Variants in GLG1 observed in about 807,000 individuals in gnomAD.
The protein encoded by GLG1 is Golgi apparatus protein 1.
Under a neutral mutation model 160.5 loss-of-function variants are expected in GLG1, and 38 were observed. That is an observed-to-expected ratio of 0.24 (90% CI 0.18 to 0.31). The LOEUF (loss-of-function observed/expected upper bound fraction) is 0.31. Among genes scored for constraint, GLG1 ranks in the 10% least tolerant of loss-of-function variants. GLG1 has a pLI of 1.00. For missense variants in GLG1, 1,373 were observed against 1,505.2 expected, an observed-to-expected ratio of 0.91 and a Z score of 1.45; for synonymous variants, 644 against 543.4, an observed-to-expected ratio of 1.19 and a Z score of -2.57.
chr16:74,546,475 G>A (rs2018049325), intron 1 of GLG1, among the ~76,000 whole-genome samples: 1 of 151,960 alleles, frequency 6.6e-6, no homozygotes. Context: ...AAAATACAAG[G>A]CTTTGATTTA....
At chr16:74,485,112 G>T (rs375746215) in intron 9 of GLG1, among the ~76,000 whole-genome samples, 2 of 152,232 alleles carry the variant, frequency 1.3e-5, no homozygotes, top group East Asian at 1.9e-4. Flanking sequence ...TTGCTATATT[G>T]CCCAGGCTGG....
At chr16:74,590,639 A>C (rs1393578194) in intron 1 of GLG1, among the ~76,000 whole-genome samples, 2 of 149,706 alleles carry the variant, frequency 1.3e-5, no homozygotes, top group South Asian at 2.1e-4. Context: ...AAAAAAAAAA[A>C]AGAAATTAGC....
intron 3 of GLG1, among the ~76,000 whole-genome samples, chr16:74,504,745 TG>T (rs2143464576): frequency 6.6e-6 from 1 of 152,280 alleles, no homozygotes; most frequent in Admixed American, 6.5e-5. Context: ...GCAAGAAGTT[TG>T]GGAAGGGGAA....
chr16:74,451,526 G>C lies in GLG1; in HGVS notation c.*1641C>G, dbSNP rs963326323. The C allele has an allele frequency of 6.5e-6, 1 of 153,932 alleles. No homozygotes were observed. 9.5% of individuals were successfully genotyped at this position (153,932 alleles called of 1,614,324 possible). ...CTTCAGGGAAGACATGTGTCGCTCC[G>C]GTCCTGCAGTGCACGTGGACTGTGC... is the stretch of plus-strand genomic sequence containing the variant. On this transcript the variant is annotated 3_prime_UTR_variant, in exon 26 of 26. Transcript: ENST00000422840.
intron 2 of GLG1, among the ~76,000 whole-genome samples, chr16:74,526,225 G>C (rs1428647575): frequency 6.7e-6 from 1 of 150,332 alleles, no homozygotes; most frequent in Non-Finnish European, 1.5e-5. Flanking sequence ...CTTGAGAGTT[G>C]GTGATGGTTG....
At chr16:74,599,804 C>T (rs1160183533) in intron 1 of GLG1, among the ~76,000 whole-genome samples, 3 of 151,542 alleles carry the variant, frequency 2.0e-5, no homozygotes, top group Non-Finnish European at 4.4e-5. Context: ...GTAGAGCTTG[C>T]AGTGAGCCGA....
intron 1 of GLG1, among the ~76,000 whole-genome samples, chr16:74,575,936 C>A (rs2018989774): frequency 6.6e-6 from 1 of 152,088 alleles, no homozygotes; most frequent in African/African-American, 2.4e-5. Context: ...CGCGGTGGTT[C>A]ACGCCAGTAA....
intron 6 of GLG1, 100 bp from the exon 7 acceptor site, chr16:74,493,240 C>G (rs745769563): frequency 3.1e-5 from 21 of 686,874 alleles, no homozygotes; most frequent in Non-Finnish European, 4.8e-5. Context: ...AAGTACATGT[C>G]AACAACTGCA....
intron 16 of GLG1, 73 bp from the exon 17 acceptor site, chr16:74,469,136 G>T (rs542350223): frequency 1.6e-5 from 15 of 911,340 alleles, no homozygotes; most frequent in Non-Finnish European, 2.4e-5. Flanking sequence ...GGCTTGGGGG[G>T]GGTCACACCA....
chr16:74,471,222 T>A lies in GLG1; in HGVS notation c.2180A>T (p.Gln727Leu). ...GGCACACTTCTCGTTCATGTCCTTC[T>A]GGTGTTTGTTCTGTATCAGACACTC... ...LMECLIQNKH[Q>L]KDMNEKCAIG... The change falls in exon 15 of 26, where the codon CAG becomes CTG. Residue 727 changes from glutamine to leucine, a missense_variant. Gln to Leu is a moderately radical substitution (Grantham distance 113, BLOSUM62 -2). Transcript: ENST00000422840. The A allele has an allele frequency of 6.2e-7, 1 of 1,613,302 alleles. No homozygotes were observed. Among genetic ancestry groups the A allele is most frequent in the South Asian group, 1.1e-5 (1 of 91,062 alleles).
intron 9 of GLG1, among the ~76,000 whole-genome samples, 198 bp downstream of exon 9, chr16:74,485,598 T>G (rs2015760629): frequency 6.6e-6 from 1 of 152,230 alleles, no homozygotes; most frequent in Non-Finnish European, 1.5e-5. Flanking sequence ...TGGGTCTAGG[T>G]GTCTCTATAT....
chr16:74,457,041 G>A (rs1597216188), intron 24 of GLG1, among the ~76,000 whole-genome samples: 2 of 152,200 alleles, frequency 1.3e-5, no homozygotes, highest in Non-Finnish European at 2.9e-5. Context: ...TGAGGCAGGA[G>A]GATCCCTTGA....
chr16:74,549,839 C>A (rs1358031677), intron 1 of GLG1, among the ~76,000 whole-genome samples: 1 of 151,812 alleles, frequency 6.6e-6, no homozygotes, highest in East Asian at 1.9e-4. Context: ...AGGGGCTGAG[C>A]GTGGTGGCTC....
intron 15 of GLG1, 113 bp downstream of exon 15, chr16:74,471,060 A>G: frequency 1.4e-6 from 1 of 727,576 alleles, no homozygotes; most frequent in South Asian, 1.6e-5. Flanking sequence ...CCTGGCTGGA[A>G]AAAAATGACT....
chr16:74,503,717 T>C lies in GLG1; in HGVS notation c.588A>G (p.Gly196=). ...CCAAGCAGGAAACCATGTAACCTTT[T>C]CCAACCGGTTCATCAGCACATTCTT... is the stretch of plus-strand genomic sequence containing the variant. The part of the protein sequence containing the change: ...EIKECADEPV[G]KGYMVSCLVD... The change falls in exon 4 of 26, where the codon GGA becomes GGG. Residue 196 remains glycine (G), a synonymous_variant. Coordinates refer to ENST00000422840, the MANE Select transcript of GLG1 (RefSeq NM_001145667.2). 6.2e-7 allele frequency: 1 copy of C among 1,612,746 alleles called. No individual in the cohort carries two copies. The highest frequency in any genetic ancestry group is 2.2e-5 in the East Asian group (1 of 44,866).
intron 1 of GLG1, among the ~76,000 whole-genome samples, chr16:74,549,250 G>A (rs971085614): frequency 2.6e-5 from 4 of 151,890 alleles, no homozygotes. Flanking sequence ...GTAATGTACT[G>A]TATTATAACC....
chr16:74,575,602 T>C (rs1011618882), intron 1 of GLG1, among the ~76,000 whole-genome samples: 1 of 152,068 alleles, frequency 6.6e-6, no homozygotes, highest in Non-Finnish European at 1.5e-5. Context: ...TCTGTTTTTG[T>C]TTGTTTGTTT....
rs145823493 is a variant in GLG1 at position 74,583,528 on chromosome 16, C to T, written c.438+23129G>A. 3.6e-3 allele frequency among the ~76,000 whole-genome samples: 552 copies of T among 152,132 alleles called. 1 individual carries two copies. Among genetic ancestry groups the T allele is most frequent in the African/African-American group, 0.013 (519 of 41,506 alleles). On this transcript the variant is annotated intron_variant, in intron 1 of 25. Coordinates refer to ENST00000422840, the MANE Select transcript of GLG1 (RefSeq NM_001145667.2). The stretch of plus-strand genomic sequence containing the variant: ...CCTAGTAGCTGGGATTACAGGCGCA[C>T]GCCACCACACCTGGCTAATTATGAC...
chr16:74,481,414 A>T (rs2015594013), intron 10 of GLG1, among the ~76,000 whole-genome samples: 1 of 152,178 alleles, frequency 6.6e-6, no homozygotes, highest in African/African-American at 2.4e-5. Context: ...AAAAGCTAAT[A>T]TTTAATGAGT....
Sources: allele counts gnomAD v4.1 joint callset (sites outside exome capture counted in the v4.1 genomes callset), GRCh38; gene constraint gnomAD v4.1.1; transcripts MANE v1.5; gene names NCBI Gene and HGNC (gene_info 2026-07-23, HGNC 2026-07-21).